The following NXN variants were observed in gnomAD, a reference collection of about 807,000 sequenced individuals.
NXN encodes the protein nucleoredoxin.
Under a neutral mutation model 48.6 loss-of-function variants are expected in NXN, and 16 were observed. The observed-to-expected ratio is 0.33, with a 90% CI of 0.22 to 0.50. The LOEUF is 0.50. Ranked by LOEUF, NXN falls within the 20% of genes least tolerant of loss-of-function variation. The pLI, the probability that NXN is intolerant of heterozygous loss-of-function variation, is 0.98. For missense variants in NXN, 492 were observed against 605.5 expected (o/e 0.81, Z 1.97); for synonymous variants, 281 against 269.6 (o/e 1.04, Z -0.41).
At chr17:874,848 CA>C (rs2068197138) in intron 1 of NXN, among the ~76,000 whole-genome samples, 1 of 152,222 alleles carries the variant, frequency 6.6e-6, no homozygotes, top group Admixed American at 6.5e-5. Flanking sequence ...CACACTCCTC[CA>C]TGAGAAAACC....
chr17:945,206 C>T (rs191922304), intron 1 of NXN, among the ~76,000 whole-genome samples: 1,858 of 151,910 alleles, frequency 0.012, 38 homozygotes, highest in African/African-American at 0.041. Flanking sequence ...CTCAGCCTCC[C>T]GAGTAGCTGG....
intron 1 of NXN, among the ~76,000 whole-genome samples, chr17:931,001 C>T (rs962898097): frequency 1.3e-5 from 2 of 152,064 alleles, no homozygotes; most frequent in African/African-American, 4.8e-5. Context: ...GAACTCCTGA[C>T]CTCATGATCC....
chr17:839,669 G>A (rs965903876), intron 1 of NXN, among the ~76,000 whole-genome samples: 2 of 151,288 alleles, frequency 1.3e-5, no homozygotes, highest in African/African-American at 4.9e-5. Flanking sequence ...TGGCATGGTG[G>A]CACACATCTG....
chr17:921,959 C>T (rs549976265), intron 1 of NXN, among the ~76,000 whole-genome samples: 1 of 152,358 alleles, frequency 6.6e-6, no homozygotes. Context: ...CGCCTTCCTC[C>T]AACCTGCTTC....
chr17:872,742 T>C (rs1375552324), intron 1 of NXN, among the ~76,000 whole-genome samples: 1 of 146,636 alleles, frequency 6.8e-6, no homozygotes. Context: ...TGCCTCAACC[T>C]CCCAAGTAGC....
intron 5 of NXN, among the ~76,000 whole-genome samples, chr17:817,370 G>A (rs942192684): frequency 6.6e-6 from 1 of 152,070 alleles, no homozygotes; most frequent in East Asian, 1.9e-4. Context: ...GAAGAAAAAA[G>A]GTCAAAGAGC....
At chr17:835,070 A>C (rs1336932998) in intron 1 of NXN, among the ~76,000 whole-genome samples, 1 of 151,304 alleles carries the variant, frequency 6.6e-6, no homozygotes, top group Non-Finnish European at 1.5e-5. Flanking sequence ...GCACTTTGGG[A>C]GGCCGAGGCG....
At chr17:947,143 G>A (rs1753509999) in intron 1 of NXN, among the ~76,000 whole-genome samples, 2 of 152,098 alleles carry the variant, frequency 1.3e-5, no homozygotes, top group Admixed American at 6.5e-5. Context: ...CGTCCCCCTC[G>A]GTTACGAACC....
At chr17:895,678 C>G (rs555870710) in intron 1 of NXN, among the ~76,000 whole-genome samples, 3 of 150,222 alleles carry the variant, frequency 2.0e-5, no homozygotes, top group African/African-American at 7.4e-5. Context: ...ATTAGCCAGG[C>G]GTGGTGGTGG....
chr17:908,735 G>T (rs1157875881), intron 1 of NXN, among the ~76,000 whole-genome samples: 1 of 152,050 alleles, frequency 6.6e-6, no homozygotes, highest in East Asian at 1.9e-4. Context: ...AAGACTACAG[G>T]TGCCATTAGG....
intron 1 of NXN, among the ~76,000 whole-genome samples, chr17:973,915 G>A (rs2069422442): frequency 6.6e-6 from 1 of 151,796 alleles, no homozygotes; most frequent in Non-Finnish European, 1.5e-5. Context: ...CTGACCTCAA[G>A]TGACCCACCC....
chr17:848,587 G>C (rs894974759), intron 1 of NXN, among the ~76,000 whole-genome samples: 3 of 152,366 alleles, frequency 2.0e-5, no homozygotes, highest in East Asian at 1.9e-4. Context: ...CAAAGTCCAA[G>C]GCTCTGGCCG....
chr17:853,301 G>A (rs1045656793), intron 1 of NXN, among the ~76,000 whole-genome samples: 12 of 151,962 alleles, frequency 7.9e-5, no homozygotes, highest in East Asian at 7.8e-4. Context: ...AAAATTAGCC[G>A]GGTGTGGTGG....
chr17:953,388 C>A (rs1005593785), intron 1 of NXN, among the ~76,000 whole-genome samples: 2 of 152,144 alleles, frequency 1.3e-5, no homozygotes, highest in African/African-American at 4.8e-5. Context: ...GCACTCCAGC[C>A]TGGGAGACAG....
intron 1 of NXN, among the ~76,000 whole-genome samples, chr17:935,765 A>T (rs2068901340): frequency 6.6e-6 from 1 of 151,972 alleles, no homozygotes; most frequent in Admixed American, 6.6e-5. Flanking sequence ...ATCCCACTAG[A>T]TACCATGCCA....
At chr17:804,809 G>A (rs1201345702) in intron 6 of NXN, among the ~76,000 whole-genome samples, 1 of 152,204 alleles carries the variant, frequency 6.6e-6, no homozygotes, top group Non-Finnish European at 1.5e-5. Context: ...GGGCCCCGAG[G>A]GCATCCTCCC....
Position 920,928 on chromosome 17 carries a change from A to G in NXN, c.360+58391T>C, listed in dbSNP as rs548454963. ...AGTAAAGACGGGGTTTTGCCATGTT[A>G]GCCAGGCTGGTCTTGAACTCCTGAC... On this transcript the variant is annotated intron_variant, in intron 1 of 7. Coordinates refer to ENST00000336868, the MANE Select transcript of NXN (RefSeq NM_022463.5). The surrounding 1 kb of genome is among the most constrained non-coding windows in gnomAD (Gnocchi z 4.6). Among the ~76,000 whole-genome samples, 2 of 151,852 alleles carry G rather than the reference A, an allele frequency of 1.3e-5. No homozygotes were observed. Among genetic ancestry groups the G allele is most frequent in the Admixed American group, 6.6e-5 (1 of 15,222 alleles).
intron 1 of NXN, among the ~76,000 whole-genome samples, chr17:889,761 A>AAGAAAGAAAGAAAGAAAGAGAAAG (rs1555619043): frequency 5.7e-5 from 4 of 70,780 alleles, no homozygotes; most frequent in Admixed American, 1.4e-4. Flanking sequence ...GAAAGAAAGA[A>AAGAAAGAAAGAAAGAAAGAGAAAG]AAAGAAAGAA....
intron 1 of NXN, among the ~76,000 whole-genome samples, chr17:868,028 C>T (rs557031032): frequency 1.5e-4 from 23 of 152,234 alleles, no homozygotes; most frequent in Non-Finnish European, 3.1e-4. Flanking sequence ...TGACCTATTC[C>T]GGGGACACAG....
Sources: gnomAD v4.1 joint callset for allele counts (sites outside exome capture counted in the v4.1 genomes callset) on GRCh38, gnomAD v4.1.1 for gene constraint, Gnocchi (gnomAD v3.1) non-coding constraint, MANE v1.5 for transcripts, NCBI Gene and HGNC (gene_info 2026-07-23, HGNC 2026-07-21) for gene names.